Variants in ZNF320 observed in about 807,000 individuals in gnomAD.
ZNF320 encodes zinc finger protein 320.
ZNF320 carries 2 observed loss-of-function variants against 6.8 expected under a neutral mutation model. The ratio of observed to expected loss-of-function variants is 0.29; its 90% confidence interval spans 0.12 to 0.93. The LOEUF (loss-of-function observed/expected upper bound fraction) is 0.93, where lower values mean the gene tolerates loss of function less well. Ranked by LOEUF, ZNF320 falls within the 40% of genes least tolerant of loss-of-function variation. ZNF320 has a pLI of 0.55. For synonymous variants in ZNF320, 208 were observed against 203.2 expected, an observed-to-expected ratio of 1.02 and a Z score of -0.20; for missense variants, 472 against 611.0, an observed-to-expected ratio of 0.77 and a Z score of 2.40.
rs757969591 is a variant in ZNF320, at chr19:52,881,804, C to G, written c.322G>C (p.Asp108His). 1 of 1,613,806 alleles carries G rather than the reference C, an allele frequency of 6.2e-7. No individual in the cohort carries two copies. Among genetic ancestry groups the G allele is most frequent in the Admixed American group, 1.7e-5 (1 of 59,986 alleles). ...ATTTCTGTCATGGGTGCTTCATGGT[C>G]ATTTGTTTCATCTTCTTGCCACTGA... is the stretch of plus-strand genomic sequence containing the variant. ...VFQWQEDETN[D>H]HEAPMTEIKK... The change falls in exon 6 of 6, where the codon GAC becomes CAC. Residue 108 changes from aspartate (D) to histidine (H), a missense_variant. By Grantham distance (81) the Asp-to-His change is moderately conservative. Transcript: ENST00000682928.
chr19:52,868,518 A>C (rs1255509152), intron 5 of ZNF320, among the ~76,000 whole-genome samples: 3 of 152,002 alleles, frequency 2.0e-5, no homozygotes, highest in Admixed American at 2.0e-4. Flanking sequence ...AAAAAAAAAA[A>C]ATCTGGAGGC....
rs531156009 is a variant in ZNF320, at chr19:52,891,626, T to G, written c.-191-280A>C. Among the ~76,000 whole-genome samples, 6 of 152,264 alleles carry G rather than the reference T, an allele frequency of 3.9e-5. No individual in the cohort carries two copies. In the South Asian group the frequency reaches 1.0e-3, roughly 26 times the overall value. On this transcript the variant is annotated intron_variant, in intron 2 of 5. Transcript: ENST00000682928. ...ACTGGGGCGGAGGGAGTCATTAGATTAGGGCAAGCTCCCAGGAGGAGGCTG... is the reference window on the plus strand; with the variant it reads ...ACTGGGGCGGAGGGAGTCATTAGATGAGGGCAAGCTCCCAGGAGGAGGCTG...
chr19:52,901,440 T>C (rs946232986), upstream of ZNF320, among the ~76,000 whole-genome samples: 3 of 152,118 alleles, frequency 2.0e-5, no homozygotes, highest in African/African-American at 7.2e-5. Context: ...GCAGGGCTTG[T>C]CATCTTCTTC....
At position 52,880,859 on chromosome 19, in the gene ZNF320, T is replaced by C. The variant is rs762736981; in HGVS notation, c.1267A>G (p.Ile423Val). 3 of 1,614,008 alleles carry C rather than the reference T, an allele frequency of 1.9e-6. No homozygotes were observed. Among genetic ancestry groups the C allele is most frequent in the Non-Finnish European group, 2.5e-6 (3 of 1,179,872 alleles). ...YECEECDKVY[I>V]RKSHLERHRR... ...TGTCTTTCAAGGTGTGATTTGCGAATGTAAACTTTGTCACATTCTTCACAT... is the reference window on the plus strand; with the variant it reads ...TGTCTTTCAAGGTGTGATTTGCGAACGTAAACTTTGTCACATTCTTCACAT... The change falls in exon 6 of 6, where the codon ATT becomes GTT. Residue 423 changes from isoleucine (I) to valine (V), a missense_variant. Coordinates refer to ENST00000682928, the MANE Select transcript of ZNF320 (RefSeq NM_001351774.2).
chr19:52,865,154 G>C (rs115256919), intron 5 of ZNF320, among the ~76,000 whole-genome samples: 2 of 151,620 alleles, frequency 1.3e-5, no homozygotes, highest in African/African-American at 2.4e-5. Context: ...AAACAACGTC[G>C]CTACTAAAAA....
chr19:52,869,493 C>T (rs905741083), intron 5 of ZNF320, among the ~76,000 whole-genome samples: 17 of 152,156 alleles, frequency 1.1e-4, no homozygotes, highest in Non-Finnish European at 1.6e-4. Flanking sequence ...ACAGACTGAG[C>T]GCAGTGGCTC....
Position 52,888,215 on chromosome 19 carries a change from A to G in ZNF320, c.54T>C (p.Ser18=). 7.2e-7 allele frequency: 1 copy of G among 1,387,290 alleles called. No homozygotes were observed. The allele number at this position is 1,387,290 out of a possible 1,614,324, so 85.9% of individuals were successfully genotyped here. A position where few individuals can be genotyped will look rare whatever the true frequency, so the allele number is the denominator to read the frequency against. The change falls in exon 5 of 6, where the codon TCT becomes TCC. Residue 18 remains serine, a synonymous_variant. Coordinates refer to ENST00000682928, the MANE Select transcript of ZNF320 (RefSeq NM_001351774.2). The part of the protein sequence containing the change: ...LTFRDVAIEF[S]QEEWKCLDPA... ...GGTCCAGGCATTTCCACTCCTCCTG[A>G]GAGAATTCTATGGCCACATCCCTGA...
intron 2 of ZNF320, chr19:52,891,925 A>G (rs191739020): frequency 2.0e-5 from 3 of 152,378 alleles, no homozygotes; most frequent in Admixed American, 1.3e-4. Flanking sequence ...TTTGAAAATT[A>G]GAGAAGCATC....
At position 52,881,343 on chromosome 19, in the gene ZNF320, C is replaced by A; in HGVS notation, c.783G>T (p.Val261=). 1.2e-6 allele frequency: 2 copies of A among 1,613,552 alleles called. No individual in the cohort carries two copies. The highest frequency in any genetic ancestry group is 1.7e-6 in the Non-Finnish European group (2 of 1,179,894). ...GKTFSQTSHL[V]YHHRLHTGEK... is the part of the protein sequence containing the mutation. ...CTCCAGTATGCAGTCTATGATGGTA[C>A]ACAAGGTGTGATGTCTGACTAAAGG... Residue 261 remains valine (V), a synonymous_variant, in exon 6 of 6, where the codon GTG becomes GTT. Coordinates refer to ENST00000682928, the MANE Select transcript of ZNF320 (RefSeq NM_001351774.2).
downstream of ZNF320, among the ~76,000 whole-genome samples, chr19:52,875,308 G>C (rs1452681881): frequency 1.3e-5 from 2 of 152,178 alleles, no homozygotes; most frequent in Admixed American, 6.6e-5. Flanking sequence ...TCCCAGCAGA[G>C]AGCTGAGGAG....
chr19:52,893,513 G>A (rs1283699476), intron 2 of ZNF320: 4 of 151,958 alleles, frequency 2.6e-5, no homozygotes, highest in African/African-American at 9.7e-5. Flanking sequence ...TGGGCTTCTC[G>A]GCACGCCCCT....
rs188522206 is a variant in ZNF320 at position 52,890,409 on chromosome 19, C to T, written c.-73-81G>A. 1.2e-4 allele frequency: 135 copies of T among 1,162,298 alleles called. No individual in the cohort carries two copies. The African/African-American group carries it at 1.9e-3, about 17-fold the overall frequency. 72.0% of individuals were successfully genotyped at this position (1,162,298 alleles called of 1,614,324 possible). A position where few individuals can be genotyped will look rare whatever the true frequency, so the allele number is the denominator to read the frequency against. On this transcript the variant is annotated intron_variant, in intron 3 of 5. Coordinates refer to ENST00000682928, the MANE Select transcript of ZNF320 (RefSeq NM_001351774.2). ...AACACAATGACACATACAAAGGAGG[C>T]CTCACCCTGGGAAATATGGTCCCCT... is the stretch of plus-strand genomic sequence containing the variant.
chr19:52,886,494 C>T (rs1881029585), intron 5 of ZNF320, among the ~76,000 whole-genome samples: 1 of 152,176 alleles, frequency 6.6e-6, no homozygotes, highest in East Asian at 1.9e-4. Flanking sequence ...AACATACCTG[C>T]AACAATAACC....
chr19:52,899,319 T>A (rs997303297), upstream of ZNF320, among the ~76,000 whole-genome samples: 6 of 152,200 alleles, frequency 3.9e-5, no homozygotes, highest in Non-Finnish European at 8.8e-5. Flanking sequence ...ATGTGTCAGT[T>A]TTGTTATATT....
At chr19:52,872,313 A>G (rs561520863), downstream of ZNF320, among the ~76,000 whole-genome samples, 14 of 152,336 alleles carry the variant, frequency 9.2e-5, no homozygotes, top group African/African-American at 3.4e-4. Flanking sequence ...ATACCAGTGT[A>G]TATTAATGTA....
chr19:52,899,607 T>A (rs1568737444), upstream of ZNF320, among the ~76,000 whole-genome samples: 1 of 152,010 alleles, frequency 6.6e-6, no homozygotes, highest in Non-Finnish European at 1.5e-5. Context: ...GGACTACAGG[T>A]GCTGCCACCG....
At chr19:52,866,389 C>T (rs2063573219) in intron 5 of ZNF320, among the ~76,000 whole-genome samples, 2 of 151,638 alleles carry the variant, frequency 1.3e-5, no homozygotes, top group Non-Finnish European at 2.9e-5. Flanking sequence ...CCTCCACATA[C>T]ATGTAGTGAA....
intron 5 of ZNF320, among the ~76,000 whole-genome samples, chr19:52,887,578 T>C (rs1316771094): frequency 6.6e-6 from 1 of 152,162 alleles, no homozygotes; most frequent in Non-Finnish European, 1.5e-5. Context: ...ATGTTTAAAG[T>C]CTACCATAAG....
chr19:52,862,160 T>C, exon 6 of ZNF320: 1 of 422,246 alleles, frequency 2.4e-6, no homozygotes, highest in South Asian at 1.8e-5. Context: ...AAAGGCATTG[T>C]GACAATCATT....
Sources: allele counts gnomAD v4.1 joint callset (sites outside exome capture counted in the v4.1 genomes callset), GRCh38; gene constraint gnomAD v4.1.1; transcripts MANE v1.5; gene names NCBI Gene and HGNC (gene_info 2026-07-23, HGNC 2026-07-21).